The following SUCLG2 variants were observed in gnomAD, a reference collection of about 807,000 sequenced individuals.
SUCLG2 encodes the protein succinate-CoA ligase GDP-forming subunit beta, also known as succinate--CoA ligase [GDP-forming] subunit beta, mitochondrial.
A neutral mutation model predicts 47.9 loss-of-function variants in SUCLG2; 42 were observed. The observed-to-expected ratio is 0.88, with a 90% confidence interval of 0.69 to 1.14. SUCLG2 has a LOEUF of 1.14. Among genes scored for constraint, SUCLG2 ranks in the 50% most tolerant of loss-of-function variants. SUCLG2 has a pLI of 0.00. For missense variants in SUCLG2, 571 were observed against 525.9 expected, an observed-to-expected ratio of 1.09 and a Z score of -0.84; for synonymous variants, 195 against 197.3, an observed-to-expected ratio of 0.99 and a Z score of 0.10.
rs141663985 is a variant in SUCLG2, at chr3:67,368,408, A to T, written c.1184-7640T>A. Among the ~76,000 whole-genome samples, 154 of 152,206 alleles carry T rather than the reference A, an allele frequency of 1.0e-3. 3 individuals carry two copies. In the East Asian group the frequency reaches 0.022, roughly 22 times the overall value. On this transcript the variant is annotated intron_variant, in intron 10 of 10. Transcript: ENST00000493112. ...AACTTTTATTCTATTATATCTTTAA[A>T]ATCACTTTCATTTTTAGTTGCTGGT...
At chr3:67,521,952 A>G (rs946309769) in intron 4 of SUCLG2, among the ~76,000 whole-genome samples, 25 of 152,154 alleles carry the variant, frequency 1.6e-4, no homozygotes, top group Admixed American at 3.9e-4. Flanking sequence ...CAACTTAAAT[A>G]TCTTTCTAAG....
At chr3:67,537,986 T>C (rs553781576) in intron 2 of SUCLG2, among the ~76,000 whole-genome samples, 3 of 152,362 alleles carry the variant, frequency 2.0e-5, no homozygotes, top group South Asian at 4.1e-4. Flanking sequence ...GTCAGATGGA[T>C]AGACTGCAAA....
chr3:67,507,113 C>G lies in SUCLG2; in HGVS notation c.757+1694G>C, dbSNP rs541444482. 8.5e-5 allele frequency among the ~76,000 whole-genome samples: 13 copies of G among 152,270 alleles called. No individual in the cohort carries two copies. In the South Asian group the frequency reaches 2.3e-3, roughly 27 times the overall value. On this transcript the variant is annotated intron_variant, in intron 7 of 10. Coordinates refer to ENST00000307227, the MANE Select transcript of SUCLG2 (RefSeq NM_003848.4). ...AAAGAATATAGGTATAAGCTTATCA[C>G]AGTGTCTGGCATATAAGCTCAAGAA...
At chr3:67,381,375 C>T (rs978548045) in intron 10 of SUCLG2, among the ~76,000 whole-genome samples, 7 of 152,100 alleles carry the variant, frequency 4.6e-5, no homozygotes, top group African/African-American at 1.7e-4. Flanking sequence ...CTTCTTAATT[C>T]ACCAAGTGTC....
At chr3:67,441,453 T>C (rs534466012) in intron 9 of SUCLG2, among the ~76,000 whole-genome samples, 54 of 152,048 alleles carry the variant, frequency 3.6e-4, no homozygotes, top group Non-Finnish European at 4.3e-4. Flanking sequence ...TGGGAAGGAA[T>C]TGAAGCCTCC....
Position 67,412,980 on chromosome 3 carries a change from C to T in SUCLG2, c.1063-12129G>A, listed in dbSNP as rs12635754. ...TTACCCCCTCTCCACAAGATAACCACGGTCATGGGTTACACAATAAAATAA... is the reference window on the plus strand; with the variant it reads ...TTACCCCCTCTCCACAAGATAACCATGGTCATGGGTTACACAATAAAATAA... On this transcript the variant is annotated intron_variant, in intron 9 of 10. Transcript: ENST00000307227. Among the ~76,000 whole-genome samples, 54 of 152,244 alleles carry T rather than the reference C, an allele frequency of 3.5e-4. No homozygotes were observed. The East Asian group carries it at 8.9e-3, about 25-fold the overall frequency.
At chr3:67,571,033 A>T (rs1390184848) in intron 2 of SUCLG2, among the ~76,000 whole-genome samples, 2 of 152,154 alleles carry the variant, frequency 1.3e-5, no homozygotes, top group Non-Finnish European at 2.9e-5. Flanking sequence ...GAAACCTCAG[A>T]TGTCACTATC....
intron 9 of SUCLG2, among the ~76,000 whole-genome samples, chr3:67,441,663 C>T (rs1056747251): frequency 5.3e-5 from 8 of 152,062 alleles, no homozygotes; most frequent in African/African-American, 1.9e-4. Flanking sequence ...TCTTTTGTTA[C>T]AAAGTAATAC....
intron 2 of SUCLG2, among the ~76,000 whole-genome samples, chr3:67,597,145 G>A (rs1470092381): frequency 2.0e-5 from 3 of 152,178 alleles, no homozygotes; most frequent in African/African-American, 7.2e-5. Flanking sequence ...GCTGTTCTGT[G>A]GCATCAGACA....
In SUCLG2 at chr3:67,419,018, T is replaced by C. The variant is rs115537025; in HGVS notation, c.1063-18167A>G. On this transcript the variant is annotated intron_variant, in intron 9 of 10. Coordinates refer to ENST00000307227, the MANE Select transcript of SUCLG2 (RefSeq NM_003848.4). ...AAAAAAGGTCTGCACAATGTTAGGA[T>C]CAGAATACAATGGTATGACACTTAA... 1.5e-3 allele frequency among the ~76,000 whole-genome samples: 221 copies of C among 151,782 alleles called. 1 individual carries two copies. Among genetic ancestry groups the C allele is most frequent in the African/African-American group, 5.2e-3 (215 of 41,438 alleles).
intron 9 of SUCLG2, among the ~76,000 whole-genome samples, chr3:67,418,022 C>T (rs193169576): frequency 3.7e-4 from 56 of 152,276 alleles, no homozygotes; most frequent in African/African-American, 1.3e-3. Context: ...ATACATGATC[C>T]TGACTTCGAG....
intron 2 of SUCLG2, among the ~76,000 whole-genome samples, chr3:67,537,716 A>T (rs1217855931): frequency 6.6e-6 from 1 of 152,178 alleles, no homozygotes; most frequent in African/African-American, 2.4e-5. Flanking sequence ...ATTTCTCCAC[A>T]TCCTCTCCAG....
intron 1 of SUCLG2, among the ~76,000 whole-genome samples, chr3:67,617,796 T>G (rs773390236): frequency 6.6e-6 from 1 of 152,146 alleles, no homozygotes; most frequent in Non-Finnish European, 1.5e-5. Context: ...AATGAGTTAA[T>G]ATATGCAAAT....
intron 2 of SUCLG2, among the ~76,000 whole-genome samples, chr3:67,544,942 T>C (rs910091687): frequency 6.6e-6 from 1 of 152,210 alleles, no homozygotes; most frequent in African/African-American, 2.4e-5. Flanking sequence ...ACATTGATCA[T>C]CTTTGTTAAA....
chr3:67,416,534 C>T (rs1211601861), intron 9 of SUCLG2, among the ~76,000 whole-genome samples: 2 of 151,972 alleles, frequency 1.3e-5, no homozygotes, highest in East Asian at 1.9e-4. Context: ...GAATATGAGA[C>T]AATTTGGTAT....
intron 1 of SUCLG2, among the ~76,000 whole-genome samples, chr3:67,639,898 T>C (rs905826844): frequency 1.3e-5 from 2 of 152,244 alleles, no homozygotes; most frequent in African/African-American, 2.4e-5. Context: ...GAATCACTCA[T>C]ACACAATTCT....
At chr3:67,595,518 A>G (rs767501706) in intron 2 of SUCLG2, among the ~76,000 whole-genome samples, 26 of 152,144 alleles carry the variant, frequency 1.7e-4, no homozygotes, top group Admixed American at 1.3e-3. Flanking sequence ...GAGGGTGTGA[A>G]GAGATGGCTC....
intron 9 of SUCLG2, among the ~76,000 whole-genome samples, chr3:67,495,353 G>GAT (rs1191542698): frequency 2.6e-5 from 4 of 152,120 alleles, no homozygotes; most frequent in African/African-American, 9.7e-5. Context: ...ATTCCAATGT[G>GAT]ATATAAGACA....
At chr3:67,467,770 T>G (rs1042632430) in intron 9 of SUCLG2, among the ~76,000 whole-genome samples, 12 of 152,128 alleles carry the variant, frequency 7.9e-5, no homozygotes, top group Admixed American at 3.3e-4. Context: ...GCTGAGTTGT[T>G]TCTATTAATA....
Sources: gnomAD v4.1 joint callset for allele counts (sites outside exome capture counted in the v4.1 genomes callset) on GRCh38, gnomAD v4.1.1 for gene constraint, MANE v1.5 for transcripts, NCBI Gene and HGNC (gene_info 2026-07-23, HGNC 2026-07-21) for gene names.